DIP2C: variants seen among roughly 807,000 people sequenced by gnomAD.
The protein encoded by DIP2C is DIP2 acetate--CoA ligase C (putative).
A neutral mutation model predicts 192.4 loss-of-function variants in DIP2C; 33 were observed. The observed-to-expected ratio is 0.17, with a 90% CI of 0.13 to 0.23. The LOEUF is 0.23. Among genes scored for constraint, DIP2C ranks in the 10% least tolerant of loss-of-function variants. DIP2C has a pLI of 1.00. For synonymous variants in DIP2C, 979 were observed against 864.1 expected (o/e 1.13, Z -2.33); for missense variants, 1,537 against 2,110.1 (o/e 0.73, Z 5.32).
chr10:536,029 CAA>C (rs1275862832), intron 1 of DIP2C, among the ~76,000 whole-genome samples: 3 of 152,184 alleles, frequency 2.0e-5, no homozygotes, highest in African/African-American at 7.2e-5. Flanking sequence ...GTTTCCATAA[CAA>C]ATGTCCCAGA....
intron 1 of DIP2C, among the ~76,000 whole-genome samples, chr10:562,576 T>C (rs183148235): frequency 7.2e-5 from 11 of 152,384 alleles, no homozygotes; most frequent in African/African-American, 2.4e-4. Flanking sequence ...GTAATTTAAG[T>C]TGGCATTCCA....
intron 10 of DIP2C, among the ~76,000 whole-genome samples, chr10:396,424 A>AATT (rs1420524481): frequency 6.6e-6 from 1 of 152,234 alleles, no homozygotes; most frequent in African/African-American, 2.4e-5. Flanking sequence ...ACACTTTAAC[A>AATT]TGGATAAATA....
chr10:331,316 G>A (rs1020928724), intron 29 of DIP2C, among the ~76,000 whole-genome samples: 2 of 152,170 alleles, frequency 1.3e-5, no homozygotes, highest in Non-Finnish European at 2.9e-5. Context: ...GGGACCCTTA[G>A]TATGAAAAAC....
intron 4 of DIP2C, among the ~76,000 whole-genome samples, chr10:435,719 A>G (rs889589654): frequency 7.2e-5 from 11 of 152,214 alleles, no homozygotes; most frequent in Admixed American, 2.0e-4. Flanking sequence ...TCTCAAGATT[A>G]TCACGTATGG....
chr10:559,322 T>TGGGGAACGCCGGGGGAACGCCG lies in DIP2C; in HGVS notation c.86-72814_86-72793dup, dbSNP rs145734246. Among the ~76,000 whole-genome samples the TGGGGAACGCCGGGGGAACGCCG allele has an allele frequency of 8.8e-3, 1,325 of 150,750 alleles. 24 individuals carry two copies. The highest frequency in any genetic ancestry group is 0.03 in the African/African-American group (1,213 of 40,946). On this transcript the variant is annotated intron_variant, in intron 1 of 36. Transcript: ENST00000280886. ...GAACAGCTGGTGTCCATGGGGGCGG[T>TGGGGAACGCCGGGGGAACGCCG]GGGGAACGCCGGGGGAACGCCGGGG... is the stretch of plus-strand genomic sequence containing the variant.
chr10:442,696 T>C (rs1438447424), intron 3 of DIP2C, among the ~76,000 whole-genome samples: 2 of 152,232 alleles, frequency 1.3e-5, no homozygotes, highest in Non-Finnish European at 2.9e-5. Flanking sequence ...AAATTTCAGA[T>C]ACTATATTCC....
intron 4 of DIP2C, among the ~76,000 whole-genome samples, chr10:429,860 G>A (rs1404046243): frequency 6.6e-6 from 1 of 152,090 alleles, no homozygotes; most frequent in Non-Finnish European, 1.5e-5. Flanking sequence ...TGTAGGCTTT[G>A]TATGTAGACG....
intron 1 of DIP2C, among the ~76,000 whole-genome samples, chr10:673,171 C>G (rs1830729420): frequency 6.6e-6 from 1 of 152,170 alleles, no homozygotes; most frequent in Non-Finnish European, 1.5e-5. Context: ...CCGCCCACCC[C>G]AGAGGTGAGG....
At chr10:525,611 C>T (rs999562763) in intron 1 of DIP2C, among the ~76,000 whole-genome samples, 5 of 152,180 alleles carry the variant, frequency 3.3e-5, no homozygotes, top group Admixed American at 6.5e-5. Context: ...TCCTCATCTG[C>T]AAGTGAAAAT....
intron 1 of DIP2C, among the ~76,000 whole-genome samples, chr10:584,658 G>A (rs1312651931): frequency 3.3e-5 from 3 of 91,540 alleles, no homozygotes; most frequent in South Asian, 4.6e-4. Context: ...TCTCAATCTC[G>A]GGGCCCGCAA....
intron 1 of DIP2C, among the ~76,000 whole-genome samples, chr10:635,064 C>T (rs1588646219): frequency 6.6e-6 from 1 of 152,160 alleles, no homozygotes; most frequent in Non-Finnish European, 1.5e-5. Context: ...GATAACAGTC[C>T]CTGGTGGCTA....
At chr10:609,979 A>G (rs1196399047) in intron 1 of DIP2C, among the ~76,000 whole-genome samples, 1 of 152,014 alleles carries the variant, frequency 6.6e-6, no homozygotes, top group African/African-American at 2.4e-5. Flanking sequence ...GCTGCTTGAG[A>G]ACATCAAAGT....
intron 1 of DIP2C, among the ~76,000 whole-genome samples, chr10:672,602 G>T (rs540222186): frequency 6.6e-6 from 1 of 152,222 alleles, no homozygotes; most frequent in East Asian, 1.9e-4. Flanking sequence ...CTGCATAAAA[G>T]AACTAAAGAT....
At chr10:285,437 A>AGACATGGGGCTTTGTCCAAC (rs1291443600) in intron 34 of DIP2C, among the ~76,000 whole-genome samples, 2 of 152,198 alleles carry the variant, frequency 1.3e-5, no homozygotes, top group Non-Finnish European at 2.9e-5. Context: ...GTCCTTGGCC[A>AGACATGGGGCTTTGTCCAAC]GACATGGGGC....
intron 4 of DIP2C, among the ~76,000 whole-genome samples, chr10:423,424 C>T (rs538922837): frequency 1.3e-5 from 2 of 152,272 alleles, no homozygotes; most frequent in Admixed American, 6.5e-5. Context: ...CTCAGTGTGA[C>T]GTATGTTTAG....
chr10:354,104 G>A (rs1037348714), intron 24 of DIP2C, among the ~76,000 whole-genome samples: 5 of 152,138 alleles, frequency 3.3e-5, no homozygotes, highest in East Asian at 1.9e-4. Flanking sequence ...TAGCTCAAGC[G>A]TGCCTGCCTC....
In DIP2C at chr10:548,442, T is replaced by TGGAG. The variant is rs59188084; in HGVS notation, c.86-61916_86-61913dup. Among the ~76,000 whole-genome samples the TGGAG allele has an allele frequency of 8.8e-3, 513 of 58,096 alleles. 5 individuals carry two copies. Among genetic ancestry groups the TGGAG allele is most frequent in the African/African-American group, 0.023 (381 of 16,242 alleles). 38.1% of individuals were successfully genotyped at this position (58,096 alleles called of 152,430 possible). On this transcript the variant is annotated intron_variant, in intron 1 of 36. Coordinates refer to ENST00000280886, the MANE Select transcript of DIP2C (RefSeq NM_014974.3). Reference sequence around the variant, plus strand: ...GCAGGAGCCGCGGAGGCCACCGGGATGGAGGGAGGGAGGGAGGGAGGGAGG... The same window carrying TGGAG: ...GCAGGAGCCGCGGAGGCCACCGGGATGGAGGGAGGGAGGGAGGGAGGGAGGGAGG...
intron 1 of DIP2C, among the ~76,000 whole-genome samples, chr10:502,999 C>T (rs1262477329): frequency 6.6e-6 from 1 of 151,564 alleles, no homozygotes; most frequent in African/African-American, 2.4e-5. Context: ...GACCTGCAGA[C>T]TTATTACAAT....
At chr10:312,765 C>T (rs1328488035) in intron 31 of DIP2C, among the ~76,000 whole-genome samples, 1 of 152,178 alleles carries the variant, frequency 6.6e-6, no homozygotes, top group Non-Finnish European at 1.5e-5. Context: ...GGTGTGTATG[C>T]TCCAAACACA....
Sources: gnomAD v4.1 joint callset for allele counts (sites outside exome capture counted in the v4.1 genomes callset) on GRCh38, gnomAD v4.1.1 for gene constraint, MANE v1.5 for transcripts, NCBI Gene and HGNC (gene_info 2026-07-23, HGNC 2026-07-21) for gene names.